Variants in TRPV3 observed in about 807,000 individuals in gnomAD.
TRPV3 encodes the protein VRL-3.
TRPV3 carries 88 observed loss-of-function variants against 87.1 expected under a neutral mutation model. The ratio of observed to expected loss-of-function variants is 1.01; its 90% CI spans 0.85 to 1.21. The LOEUF (loss-of-function observed/expected upper bound fraction) is 1.21, where lower values mean the gene tolerates loss of function less well. Among genes scored for constraint, TRPV3 ranks in the 50% most tolerant of loss-of-function variants. The pLI is 0.00. For synonymous variants in TRPV3, 438 were observed against 423.3 expected (o/e 1.03, Z -0.43); for missense variants, 1,054 against 1,030.1 (o/e 1.02, Z -0.32).
At chr17:3,540,467 G>A (rs1043451828) in intron 6 of TRPV3, among the ~76,000 whole-genome samples, 2 of 152,182 alleles carry the variant, frequency 1.3e-5, no homozygotes, top group Non-Finnish European at 2.9e-5. Flanking sequence ...AGGGAAAGGG[G>A]AGGCTAAGAA....
Position 3,557,225 on chromosome 17 carries a change from G to A in TRPV3, c.-3+451C>T, listed in dbSNP as rs1026500357. Among the ~76,000 whole-genome samples the A allele has an allele frequency of 3.3e-5, 5 of 152,106 alleles. No homozygotes were observed. Among genetic ancestry groups the A allele is most frequent in the Non-Finnish European group, 7.4e-5 (5 of 68,012 alleles). ...TTTCCCGGGCGACAGACCAGGCCGC[G>A]GAGCCACAGCTGCTGACTCAGCACC... On this transcript the variant is annotated intron_variant, in intron 1 of 17. Transcript: ENST00000576742. This position sits in a 1 kb window ranked among gnomAD's most constrained non-coding sequence, Gnocchi z 4.5.
At chr17:3,521,068 T>A in intron 13 of TRPV3, 29 bp from the exon 14 acceptor site, 2 of 1,518,736 alleles carry the variant, frequency 1.3e-6, no homozygotes. Flanking sequence ...AATTCAAGTG[T>A]AAGGTGCAAG....
At chr17:3,550,062 A>G (rs893996608) in intron 2 of TRPV3, among the ~76,000 whole-genome samples, 2 of 151,934 alleles carry the variant, frequency 1.3e-5, no homozygotes, top group Non-Finnish European at 2.9e-5. Flanking sequence ...TAAATGATGG[A>G]TGGATGGATG....
At position 3,528,259 on chromosome 17, in the gene TRPV3, C is replaced by T. The variant is rs2074317870; in HGVS notation, c.1402-133G>A. The T allele has an allele frequency of 4.6e-6, 3 of 645,734 alleles. No individual in the cohort carries two copies. The highest frequency in any genetic ancestry group is 7.9e-6 in the Non-Finnish European group (3 of 377,764). 40.0% of individuals were successfully genotyped at this position (645,734 alleles called of 1,614,324 possible). On this transcript the variant is annotated intron_variant, in intron 10 of 17. Coordinates refer to ENST00000576742, the MANE Select transcript of TRPV3 (RefSeq NM_145068.4). The surrounding 1 kb of genome is among the most constrained non-coding windows in gnomAD (Gnocchi z 4.2). ...ACCAGCATGAAACCTGATCTCTGTA[C>T]AGGGCAAGAGAAGGAAGAGCAGCTC...
intron 12 of TRPV3, among the ~76,000 whole-genome samples, chr17:3,525,631 T>C (rs2074292854): frequency 6.6e-6 from 1 of 151,804 alleles, no homozygotes; most frequent in Non-Finnish European, 1.5e-5. Context: ...ATTTTTTTTT[T>C]TTTTTTGAGA....
chr17:3,545,255 C>A lies in TRPV3; in HGVS notation c.136G>T (p.Glu46Ter). 1 of 1,613,506 alleles carries A rather than the reference C, an allele frequency of 6.2e-7. No homozygotes were observed. Among genetic ancestry groups the A allele is most frequent in the Non-Finnish European group, 8.5e-7 (1 of 1,179,596 alleles). ...GGGTTGGGTTCAAACCCTTCTATCT[C>A]CAGGAAGAAGTGTGCACTGAGGGAA... The part of the protein sequence containing the change: ...PTKKSAHFFL[E>*]IEGFEPNPTV... The change falls in exon 3 of 18, where the codon GAG becomes TAG. Residue 46 changes from glutamate to a stop codon, truncating the protein, a stop_gained. Coordinates refer to ENST00000576742, the MANE Select transcript of TRPV3 (RefSeq NM_145068.4). LOFTEE classifies it high-confidence loss of function.
chr17:3,535,251 T>C (rs1462942548), intron 7 of TRPV3, among the ~76,000 whole-genome samples: 7 of 53,890 alleles, frequency 1.3e-4, no homozygotes, highest in Admixed American at 4.3e-4. Context: ...TCCCCCTCCT[T>C]ACTCCTCCTC....
intron 12 of TRPV3, among the ~76,000 whole-genome samples, chr17:3,525,309 C>T (rs886237323): frequency 5.9e-5 from 9 of 152,260 alleles, no homozygotes; most frequent in Non-Finnish European, 8.8e-5. Context: ...CGTGAGCCAA[C>T]GCGCCCAGCA....
At chr17:3,526,721 C>T (rs989529330) in intron 12 of TRPV3, 133 bp downstream of exon 12, 43 of 709,016 alleles carry the variant, frequency 6.1e-5, no homozygotes, top group South Asian at 1.2e-4. Flanking sequence ...AGACCCCTGG[C>T]GTGTAACCAT....
Position 3,524,194 on chromosome 17 carries a change from G to A in TRPV3, c.1743+4C>T, listed in dbSNP as rs376142144. On this transcript the variant is annotated splice_donor_region_variant and intron_variant, in intron 13 of 17. Coordinates refer to ENST00000576742, the MANE Select transcript of TRPV3 (RefSeq NM_145068.4). ...CCCTCCCGCCGGCGCAGCTCTCAAC[G>A]CACCTTCTGGATCATGACGCTGTAC... The A allele has an allele frequency of 1.9e-5, 30 of 1,613,298 alleles. No individual in the cohort carries two copies. The highest frequency in any genetic ancestry group is 2.2e-5 in the South Asian group (2 of 90,948).
rs2074475112 is a variant in TRPV3, at chr17:3,542,558, A to G, written c.607T>C (p.Phe203Leu). The G allele has an allele frequency of 1.2e-6, 2 of 1,613,870 alleles. No individual in the cohort carries two copies. Among genetic ancestry groups the G allele is most frequent in the African/African-American group, 1.3e-5 (1 of 74,862 alleles). The stretch of plus-strand genomic sequence containing the variant: ...TCCTCTGTGTACTCGGCGTTGATGA[A>G]CCTGCCCAGGATGTCGTTCTCTTCA... ...FAEENDILGR[F>L]INAEYTEEAY... The change falls in exon 6 of 18, where the codon TTC becomes CTC. Residue 203 changes from phenylalanine to leucine, a missense_variant. By Grantham distance (22) the Phe-to-Leu change is conservative (BLOSUM62 0). Coordinates refer to ENST00000576742, the MANE Select transcript of TRPV3 (RefSeq NM_145068.4).
In TRPV3 at chr17:3,556,266, G is replaced by A. The variant is rs777963425; in HGVS notation, c.-3+1410C>T. On this transcript the variant is annotated intron_variant, in intron 1 of 17. Transcript: ENST00000576742. The surrounding 1 kb of genome is among the most constrained non-coding windows in gnomAD (Gnocchi z 4.2). ...CCCTGGGGGCAGCTGGGAGTTGGGTGCAGAGGCTCTGGGTTACATAGGAGA... is the reference window on the plus strand; with the variant it reads ...CCCTGGGGGCAGCTGGGAGTTGGGTACAGAGGCTCTGGGTTACATAGGAGA... Among the ~76,000 whole-genome samples the A allele has an allele frequency of 5.3e-5, 8 of 152,020 alleles. No individual in the cohort carries two copies. Among genetic ancestry groups the A allele is most frequent in the Non-Finnish European group, 1.2e-4 (8 of 67,988 alleles).
chr17:3,546,841 G>T, intron 2 of TRPV3: 2 of 327,510 alleles, frequency 6.1e-6, no homozygotes, highest in Non-Finnish European at 1.2e-5. Flanking sequence ...GGTGGTATGC[G>T]CCTGTAATCC....
In TRPV3 at chr17:3,520,888, C is replaced by T. The variant is rs1221240192; in HGVS notation, c.1810+85G>A. ...CACTGGTAGTTGGTCTAATTGTTGC[C>T]AAGGCCGCCATGCACTTTGCCATTT... On this transcript the variant is annotated intron_variant, in intron 14 of 17. Coordinates refer to ENST00000576742, the MANE Select transcript of TRPV3 (RefSeq NM_145068.4). The T allele has an allele frequency of 2.0e-5, 17 of 848,492 alleles. No individual in the cohort carries two copies. The East Asian group carries it at 3.6e-4, about 18-fold the overall frequency. The allele number at this position is 848,492 out of a possible 1,614,324, so 52.6% of individuals were successfully genotyped here. A position where few individuals can be genotyped will look rare whatever the true frequency, so the allele number is the denominator to read the frequency against.
At chr17:3,526,244 G>A (rs1014553175) in intron 12 of TRPV3, among the ~76,000 whole-genome samples, 3 of 152,150 alleles carry the variant, frequency 2.0e-5, no homozygotes, top group Non-Finnish European at 4.4e-5. Context: ...CTGCAAGGCT[G>A]AGGTGGGCAG....
intron 12 of TRPV3, among the ~76,000 whole-genome samples, 194 bp from the exon 13 acceptor site, chr17:3,524,557 C>G (rs535355479): frequency 6.6e-6 from 1 of 152,290 alleles, no homozygotes; most frequent in Non-Finnish European, 1.5e-5. Context: ...TCACCAGATG[C>G]CACTCACAGC....
At chr17:3,546,420 C>A (rs999092847) in intron 2 of TRPV3, among the ~76,000 whole-genome samples, 2 of 140,606 alleles carry the variant, frequency 1.4e-5, no homozygotes, top group African/African-American at 5.0e-5. Context: ...CCAGTCTGGG[C>A]GACAGAGCGA....
rs1376153696 is a variant in TRPV3 at position 3,512,594 on chromosome 17, C to T, written c.*1323G>A. ...CACCTCGAACATTTTTACATGAATCCTTTCACCAGATAACGGCGGCAGAGT... is the reference window on the plus strand; with the variant it reads ...CACCTCGAACATTTTTACATGAATCTTTTCACCAGATAACGGCGGCAGAGT... On this transcript the variant is annotated 3_prime_UTR_variant, in exon 18 of 18. Coordinates refer to ENST00000576742, the MANE Select transcript of TRPV3 (RefSeq NM_145068.4). The T allele has an allele frequency of 6.6e-6, 1 of 151,958 alleles. No homozygotes were observed. Among genetic ancestry groups the T allele is most frequent in the Non-Finnish European group, 1.5e-5 (1 of 67,976 alleles). The allele number at this position is 151,958 out of a possible 1,614,324, so 9.4% of individuals were successfully genotyped here. A position where few individuals can be genotyped will look rare whatever the true frequency, so the allele number is the denominator to read the frequency against.
intron 2 of TRPV3, chr17:3,553,068 C>A (rs2074593869): frequency 6.6e-6 from 1 of 152,414 alleles, no homozygotes; most frequent in Non-Finnish European, 1.5e-5. Context: ...TGACCTGGAT[C>A]TTCTCCTCTG....
Sources: allele counts gnomAD v4.1 joint callset (sites outside exome capture counted in the v4.1 genomes callset), GRCh38; gene constraint gnomAD v4.1.1; non-coding constraint Gnocchi (gnomAD v3.1); transcripts MANE v1.5; gene names NCBI Gene and HGNC (gene_info 2026-07-23, HGNC 2026-07-21).